FMR1: variants seen among roughly 807,000 people sequenced by gnomAD.
The protein encoded by FMR1 is FMRP translational regulator 1.
Under a neutral mutation model 50.6 loss-of-function variants are expected in FMR1, and 13 were observed. The observed-to-expected ratio is 0.26, with a 90% CI of 0.17 to 0.41. FMR1 has a LOEUF of 0.41. Among genes scored for constraint, FMR1 ranks in the 10% least tolerant of loss-of-function variants. The pLI is 1.00. For missense variants in FMR1, 316 were observed against 491.3 expected (o/e 0.64, Z 3.37); for synonymous variants, 138 against 164.1 (o/e 0.84, Z 1.22).
intron 8 of FMR1, 36 bp downstream of exon 8, chrX:147,932,631 A>G: frequency 8.4e-7 from 1 of 1,194,419 alleles, no homozygotes; most frequent in Non-Finnish European, 1.1e-6. Flanking sequence ...TTTTCCCCAA[A>G]CAAGTATTTC....
At chrX:147,932,306 A>T in intron 7 of FMR1, 119 bp from the exon 8 acceptor site, 1 of 647,698 alleles carries the variant, frequency 1.5e-6, no homozygotes, top group Middle Eastern at 3.1e-4. Flanking sequence ...TTAACCTAAA[A>T]CTATTAATAA....
chrX:147,918,185 G>T (rs1035610337), intron 1 of FMR1, among the ~76,000 whole-genome samples: 2 of 111,021 alleles, frequency 1.8e-5, no homozygotes, highest in African/African-American at 6.6e-5. Flanking sequence ...ATAAGGGGAA[G>T]GACAGAGCCA....
chrX:147,919,770 C>A (rs924668696), intron 1 of FMR1, among the ~76,000 whole-genome samples: 15 of 112,096 alleles, frequency 1.3e-4, no homozygotes, highest in Non-Finnish European at 5.6e-5. Flanking sequence ...GTTTAAGTTG[C>A]TTCTGTATCA....
intron 2 of FMR1, among the ~76,000 whole-genome samples, chrX:147,923,345 G>T (rs1457175885): frequency 8.9e-6 from 1 of 111,849 alleles, no homozygotes; most frequent in African/African-American, 3.3e-5. Context: ...ATATATCCAT[G>T]GCTATGCAAT....
In FMR1 at chrX:147,948,852, A is replaced by G; in HGVS notation, c.*8A>G. 3.3e-6 allele frequency: 4 copies of G among 1,203,368 alleles called. No homozygotes were observed. The highest frequency in any genetic ancestry group is 4.5e-6 in the Non-Finnish European group (4 of 887,742). On this transcript the variant is annotated 3_prime_UTR_variant, in exon 17 of 17. Transcript: ENST00000370475. The stretch of plus-strand genomic sequence containing the variant: ...GTGAATGGAGTACCCTAAACTGCAT[A>G]ATTCTGAAGTTATATTTCCTATACC...
At chrX:147,929,517 A>G (rs1297914189) in intron 5 of FMR1, among the ~76,000 whole-genome samples, 1 of 109,428 alleles carries the variant, frequency 9.1e-6, no homozygotes, top group Non-Finnish European at 1.9e-5. Context: ...TTCATATTGC[A>G]TGCCTGTATC....
At chrX:147,922,128 A>G (rs1386770099) in intron 2 of FMR1, 143 bp downstream of exon 2, 3 of 458,114 alleles carry the variant, frequency 6.5e-6, no homozygotes, top group African/African-American at 2.5e-5. Context: ...AAGTTTCTGA[A>G]CAACTCAGTA....
rs2042949380 is a variant in FMR1 at position 147,917,773 on chromosome X, T to TGGTCGAGTTC, written c.52-4159_52-4150dup. Among the ~76,000 whole-genome samples, 4 of 111,674 alleles carry TGGTCGAGTTC rather than the reference T, an allele frequency of 3.6e-5. No individual in the cohort carries two copies. The South Asian group carries it at 1.5e-3, about 42-fold the overall frequency. On this transcript the variant is annotated intron_variant, in intron 1 of 16. Transcript: ENST00000370475. ...ATTACCCACAGCAGTCTTAGGAGGC[T>TGGTCGAGTTC]GGTCGAGTTCCTTATTTGCAGATGA...
chrX:147,911,928 G>C lies in FMR1; in HGVS notation c.-252G>C, dbSNP rs1750136658. 9.0e-6 allele frequency: 1 copy of C among 111,400 alleles called. No homozygotes were observed. The highest frequency in any genetic ancestry group is 1.9e-5 in the Non-Finnish European group (1 of 52,621). 9.2% of individuals were successfully genotyped at this position (111,400 alleles called of 1,213,427 possible). On this transcript the variant is annotated 5_prime_UTR_variant, in exon 1 of 17. Transcript: ENST00000370475. Reference sequence around the variant, plus strand: ...GGGCCGGGGGTTCGGCCTCAGTCAGGCGCTCAGCTCCGTTTCGGTTTCACT... The same window carrying C: ...GGGCCGGGGGTTCGGCCTCAGTCAGCCGCTCAGCTCCGTTTCGGTTTCACT...
chrX:147,939,274 T>TAC (rs1298522345), intron 12 of FMR1, among the ~76,000 whole-genome samples: 2 of 109,934 alleles, frequency 1.8e-5, no homozygotes, highest in Non-Finnish European at 3.8e-5. Context: ...TCCCTCTTAA[T>TAC]ATATATATAT....
At chrX:147,947,901 T>C (rs1013851021) in intron 16 of FMR1, among the ~76,000 whole-genome samples, 3 of 112,375 alleles carry the variant, frequency 2.7e-5, no homozygotes, top group African/African-American at 9.7e-5. Context: ...AACTTTCATT[T>C]GTACCTCTGG....
At chrX:147,931,034 A>T (rs2043584419) in intron 7 of FMR1, 1 of 112,154 alleles carries the variant, frequency 8.9e-6, no homozygotes, top group African/African-American at 3.2e-5. Flanking sequence ...TATGATGCTG[A>T]ACTCTTAGCA....
chrX:147,920,166 T>C (rs1199708642), intron 1 of FMR1, among the ~76,000 whole-genome samples: 1 of 112,479 alleles, frequency 8.9e-6, no homozygotes, highest in African/African-American at 3.2e-5. Flanking sequence ...AGGTCTTTGA[T>C]GCATATTCAT....
rs782283431 is a variant in FMR1 at position 147,936,713 on chromosome X, A to G, written c.990+100A>G. ...CTAATATGTGCATAAAGTGAATGCA[A>G]ATATTCTGATTATCAAGCATGCCTG... On this transcript the variant is annotated intron_variant, in intron 10 of 16. Transcript: ENST00000370475. 24 of 533,015 alleles carry G rather than the reference A, an allele frequency of 4.5e-5. No individual in the cohort carries two copies. The African/African-American group carries it at 5.1e-4, about 11-fold the overall frequency. 43.9% of individuals were successfully genotyped at this position (533,015 alleles called of 1,213,427 possible). A position where few individuals can be genotyped will look rare whatever the true frequency, so the allele number is the denominator to read the frequency against.
chrX:147,946,656 A>G (rs1368979519), intron 16 of FMR1, among the ~76,000 whole-genome samples: 3 of 112,386 alleles, frequency 2.7e-5, no homozygotes, highest in Non-Finnish European at 5.6e-5. Flanking sequence ...TAGCTAGCAT[A>G]TGTCCAAATG....
intron 14 of FMR1, chrX:147,944,103 T>C (rs1282932734): frequency 1.8e-5 from 13 of 734,457 alleles, no homozygotes; most frequent in Non-Finnish European, 1.9e-5. Flanking sequence ...TGGGGAGAGT[T>C]ACCTACTCCT....
intron 1 of FMR1, among the ~76,000 whole-genome samples, chrX:147,917,834 G>A (rs1557175538): frequency 9.0e-6 from 1 of 111,571 alleles, no homozygotes. Context: ...CTTGGTGAGA[G>A]TCTCACAGCT....
At chrX:147,926,153 C>T (rs782334239) in intron 3 of FMR1, among the ~76,000 whole-genome samples, 9 of 111,833 alleles carry the variant, frequency 8.0e-5, no homozygotes, top group Non-Finnish European at 1.7e-4. Context: ...GCTTATCTCC[C>T]GTTGAGCTCT....
chrX:147,930,070 GTTTAA>G, intron 6 of FMR1, 29 bp downstream of exon 6: 1 of 1,154,374 alleles, frequency 8.7e-7, no homozygotes, highest in Non-Finnish European at 1.2e-6. Flanking sequence ...TTTATTTTTA[GTTTAA>G]TTCATCTGGG....
Sources: gnomAD v4.1 joint callset for allele counts (sites outside exome capture counted in the v4.1 genomes callset) on GRCh38, gnomAD v4.1.1 for gene constraint, MANE v1.5 for transcripts, NCBI Gene and HGNC (gene_info 2026-07-23, HGNC 2026-07-21) for gene names.